ZRSR2: variants seen among roughly 807,000 people sequenced by gnomAD.
The protein encoded by ZRSR2 is U2 small nuclear ribonucleoprotein auxiliary factor 35 kDa subunit-related protein 2.
A neutral mutation model predicts 39.4 loss-of-function variants in ZRSR2; 3 were observed. That is an observed-to-expected ratio of 0.08 (90% confidence interval 0.03 to 0.20). The LOEUF (loss-of-function observed/expected upper bound fraction) is 0.20, where lower values mean the gene tolerates loss of function less well. ZRSR2 is among the 10% of genes least tolerant of loss of function. ZRSR2 has a pLI of 1.00. For synonymous variants in ZRSR2, 137 were observed against 136.0 expected, an observed-to-expected ratio of 1.01 and a Z score of -0.05; for missense variants, 256 against 391.5, an observed-to-expected ratio of 0.65 and a Z score of 2.92.
In ZRSR2 at chrX:15,823,096, CG is replaced by C; in HGVS notation, c.1307del (p.Gly436AlafsTer?). On this transcript the variant is annotated frameshift_variant, in exon 11 of 11. Transcript: ENST00000307771. LOFTEE classifies it low-confidence loss of function (END_TRUNC). ...RNRDRSRDRS[R>X]GRGSRSRSRS... ...TAGGGACCGCAGCAGGGACCGCAGCCGGGGCCGGGGCAGCCGGAGCCGGAGC... is the reference window on the plus strand; with the variant it reads ...TAGGGACCGCAGCAGGGACCGCAGCCGGGCCGGGGCAGCCGGAGCCGGAGC... The C allele has an allele frequency of 8.3e-7, 1 of 1,205,547 alleles. No homozygotes were observed. The highest frequency in any genetic ancestry group is 1.1e-6 in the Non-Finnish European group (1 of 892,128).
chrX:15,794,430 A>G (rs1932382617), intron 2 of ZRSR2, among the ~76,000 whole-genome samples: 1 of 111,597 alleles, frequency 9.0e-6, no homozygotes, highest in Non-Finnish European at 1.9e-5. Flanking sequence ...TACCAATAAC[A>G]TAAACAGTTG....
chrX:15,801,996 T>C (rs1452828225), intron 3 of ZRSR2, among the ~76,000 whole-genome samples: 1 of 112,162 alleles, frequency 8.9e-6, no homozygotes, highest in Non-Finnish European at 1.9e-5. Flanking sequence ...GGTTCATTTA[T>C]ATACAATTAT....
Position 15,799,915 on chromosome X carries a change from A to G in ZRSR2, c.165A>G (p.Glu55=), listed in dbSNP as rs775337499. 1 of 1,205,880 alleles carries G rather than the reference A, an allele frequency of 8.3e-7. No individual in the cohort carries two copies. The highest frequency in any genetic ancestry group is 1.1e-6 in the Non-Finnish European group (1 of 891,211). ...KEEEEDTFIE[E]QQLEEEKLLE... is the part of the protein sequence containing the mutation. Reference sequence around the variant, plus strand: ...AAGAGGAGGACACTTTTATTGAAGAACAACAACTAGAAGAAGAGAAGCTAT... The same window carrying G: ...AAGAGGAGGACACTTTTATTGAAGAGCAACAACTAGAAGAAGAGAAGCTAT... Residue 55 remains glutamate, a synonymous_variant, in exon 3 of 11, where the codon GAA becomes GAG. Transcript: ENST00000307771.
At chrX:15,813,402 C>G (rs1347235259) in intron 7 of ZRSR2, among the ~76,000 whole-genome samples, 1 of 112,278 alleles carries the variant, frequency 8.9e-6, no homozygotes, top group Non-Finnish European at 1.9e-5. Context: ...AATCTCAGTT[C>G]TTTCCAGGTA....
intron 10 of ZRSR2, 28 bp downstream of exon 10, chrX:15,820,344 C>T (rs1480118238): frequency 1.7e-6 from 2 of 1,148,388 alleles, no homozygotes; most frequent in Admixed American, 4.4e-5. Flanking sequence ...GATTTTTTTC[C>T]TCAATTGTTC....
intron 7 of ZRSR2, among the ~76,000 whole-genome samples, chrX:15,814,426 C>T (rs992735494): frequency 1.8e-5 from 2 of 111,388 alleles, no homozygotes; most frequent in Non-Finnish European, 3.8e-5. Flanking sequence ...GCCAGGAGTG[C>T]GAGACCAGCC....
chrX:15,811,764 G>A (rs1932887143), intron 7 of ZRSR2, among the ~76,000 whole-genome samples: 1 of 111,283 alleles, frequency 9.0e-6, no homozygotes, highest in Non-Finnish European at 1.9e-5. Context: ...GAGGAGGGGA[G>A]ATGTCTTAAA....
In ZRSR2 at chrX:15,791,987, G is replaced by T. The variant is rs146786886; in HGVS notation, c.121+974G>T. Among the ~76,000 whole-genome samples the T allele has an allele frequency of 4.5e-5, 5 of 111,812 alleles. No homozygotes were observed. The East Asian group carries it at 1.4e-3, about 32-fold the overall frequency. ...CACCTGGCTAATTTTTAAAATTTTCGTAGAGACGGGATTTCACTGTGTTGC... is the reference window on the plus strand; with the variant it reads ...CACCTGGCTAATTTTTAAAATTTTCTTAGAGACGGGATTTCACTGTGTTGC... On this transcript the variant is annotated intron_variant, in intron 2 of 10. Transcript: ENST00000307771.
intron 8 of ZRSR2, 75 bp downstream of exon 8, chrX:15,815,965 C>G (rs1307304401): frequency 1.1e-6 from 1 of 903,587 alleles, no homozygotes; most frequent in African/African-American, 2.0e-5. Context: ...AGCTGGGACA[C>G]AGGCTCAGCT....
At chrX:15,801,402 T>A (rs944777630) in intron 3 of ZRSR2, 3 of 302,288 alleles carry the variant, frequency 9.9e-6, no homozygotes, top group Non-Finnish European at 1.9e-5. Flanking sequence ...TTAATTTTTT[T>A]TTGTACTTTT....
chrX:15,797,520 G>A (rs899550483), intron 2 of ZRSR2, among the ~76,000 whole-genome samples: 1 of 112,058 alleles, frequency 8.9e-6, no homozygotes, highest in South Asian at 3.6e-4. Flanking sequence ...CTGCATTAAC[G>A]TTTTATAATA....
At chrX:15,803,579 T>C in intron 3 of ZRSR2, 109 bp from the exon 4 acceptor site, 1 of 979,092 alleles carries the variant, frequency 1.0e-6, no homozygotes, top group Non-Finnish European at 1.4e-6. Flanking sequence ...GAAAATAGCT[T>C]TCGTGATATT....
At chrX:15,792,149 G>A (rs752647714) in intron 2 of ZRSR2, among the ~76,000 whole-genome samples, 5 of 111,985 alleles carry the variant, frequency 4.5e-5, no homozygotes, top group East Asian at 2.9e-4. Context: ...GGCTGGGCGC[G>A]TGGTGGCTCA....
Position 15,804,919 on chromosome X carries a change from C to G in ZRSR2, c.399+722C>G, listed in dbSNP as rs143008580. The stretch of plus-strand genomic sequence containing the variant: ...CTGTGAGGCATATGTGTGTATGTAT[C>G]TTCTCTATCTTCCAGGATTCTTTTT... On this transcript the variant is annotated intron_variant, in intron 5 of 10. Coordinates refer to ENST00000307771, the MANE Select transcript of ZRSR2 (RefSeq NM_005089.4). 6.4e-4 allele frequency among the ~76,000 whole-genome samples: 70 copies of G among 108,709 alleles called. 1 individual carries two copies. In the East Asian group the frequency reaches 0.019, roughly 30 times the overall value. 94.4% of individuals were successfully genotyped at this position (108,709 alleles called of 115,157 possible).
chrX:15,806,437 A>T lies in ZRSR2; in HGVS notation c.400-1796A>T, dbSNP rs113639257. Among the ~76,000 whole-genome samples, 1,030 of 110,704 alleles carry T rather than the reference A, an allele frequency of 9.3e-3. 10 individuals are homozygous for T. The highest frequency in any genetic ancestry group is 0.017 in the African/African-American group (505 of 30,429). ...AACAGATCATTCATTTAAAAAAAAAATTTTTTTGAGATGGAGTCTCATGCT... is the reference window on the plus strand; with the variant it reads ...AACAGATCATTCATTTAAAAAAAAATTTTTTTTGAGATGGAGTCTCATGCT... On this transcript the variant is annotated intron_variant, in intron 5 of 10. Coordinates refer to ENST00000307771, the MANE Select transcript of ZRSR2 (RefSeq NM_005089.4).
intron 1 of ZRSR2, 68 bp downstream of exon 1, chrX:15,790,604 G>A (rs2147275134): frequency 1.8e-6 from 2 of 1,124,361 alleles, no homozygotes; most frequent in Non-Finnish European, 2.4e-6. Flanking sequence ...GTGGTGGCAG[G>A]AAGAAAAGAG....
At chrX:15,816,147 T>C (rs997555500) in intron 8 of ZRSR2, among the ~76,000 whole-genome samples, 1 of 112,462 alleles carries the variant, frequency 8.9e-6, no homozygotes, top group Non-Finnish European at 1.9e-5. Context: ...ATTTATTTAG[T>C]AGCTTTGTGC....
At chrX:15,809,777 T>C (rs1932851892) in intron 7 of ZRSR2, among the ~76,000 whole-genome samples, 1 of 109,407 alleles carries the variant, frequency 9.1e-6, no homozygotes, top group Admixed American at 9.8e-5. Flanking sequence ...ACCACTGCAC[T>C]CCAGCCTGGG....
At chrX:15,800,194 T>C (rs1208222808) in intron 3 of ZRSR2, among the ~76,000 whole-genome samples, 1 of 102,736 alleles carries the variant, frequency 9.7e-6, no homozygotes, top group African/African-American at 3.5e-5. Context: ...TTCTTTTTTT[T>C]TTTTTTTTTT....
Sources: gnomAD v4.1 joint callset for allele counts (sites outside exome capture counted in the v4.1 genomes callset) on GRCh38, gnomAD v4.1.1 for gene constraint, MANE v1.5 for transcripts, NCBI Gene and HGNC (gene_info 2026-07-23, HGNC 2026-07-21) for gene names.